ANO2: variants seen among roughly 807,000 people sequenced by gnomAD.
The protein encoded by ANO2 is anoctamin-2.
In ANO2, 101 loss-of-function variants were observed where a neutral mutation model predicts 124.2. The ratio of observed to expected loss-of-function variants is 0.81; its 90% CI spans 0.69 to 0.96. The LOEUF (loss-of-function observed/expected upper bound fraction) is 0.96, where lower values mean the gene tolerates loss of function less well. Among genes scored for constraint, ANO2 ranks in the 40% least tolerant of loss-of-function variants. ANO2 has a pLI of 0.00. For missense variants in ANO2, 1,293 were observed against 1,274.5 expected (o/e 1.01, Z -0.22); for synonymous variants, 486 against 482.5 (o/e 1.01, Z -0.09).
At chr12:5,887,440 TGGGG>T (rs1049043762) in intron 3 of ANO2, among the ~76,000 whole-genome samples, 3 of 152,166 alleles carry the variant, frequency 2.0e-5, no homozygotes, top group African/African-American at 7.2e-5. Context: ...ACTTCCACTG[TGGGG>T]GATGTTGCTC....
chr12:5,613,226 T>C (rs1317129267), intron 17 of ANO2, among the ~76,000 whole-genome samples: 4 of 152,092 alleles, frequency 2.6e-5, no homozygotes, highest in Non-Finnish European at 4.4e-5. Context: ...TGTGTGTGCG[T>C]GTATGTGTGT....
chr12:5,869,132 C>G (rs1394152272), intron 3 of ANO2, among the ~76,000 whole-genome samples: 1 of 152,088 alleles, frequency 6.6e-6, no homozygotes, highest in East Asian at 1.9e-4. Context: ...TGCAGGAAGT[C>G]CAAATGGAAA....
intron 16 of ANO2, among the ~76,000 whole-genome samples, chr12:5,628,322 C>A (rs1945518340): frequency 6.6e-6 from 1 of 152,172 alleles, no homozygotes; most frequent in Non-Finnish European, 1.5e-5. Context: ...AAATACTCGA[C>A]CTCTTGTCAT....
intron 17 of ANO2, among the ~76,000 whole-genome samples, chr12:5,613,710 C>T (rs912601480): frequency 6.6e-6 from 1 of 152,196 alleles, no homozygotes; most frequent in African/African-American, 2.4e-5. Flanking sequence ...GTTCCCCCAA[C>T]ACTTTATTTA....
chr12:5,828,092 A>G (rs1473993954), intron 6 of ANO2, among the ~76,000 whole-genome samples: 5 of 152,172 alleles, frequency 3.3e-5, no homozygotes, highest in Non-Finnish European at 7.4e-5. Flanking sequence ...CTAGAAATGG[A>G]CGGCAGTCAC....
At chr12:5,762,631 A>G (rs776211775) in intron 10 of ANO2, among the ~76,000 whole-genome samples, 1 of 151,904 alleles carries the variant, frequency 6.6e-6, no homozygotes, top group Non-Finnish European at 1.5e-5. Flanking sequence ...AAGGATATAG[A>G]TAAAACTTAA....
intron 19 of ANO2, 49 bp from the exon 20 acceptor site, chr12:5,599,678 T>G: frequency 6.3e-7 from 1 of 1,593,608 alleles, no homozygotes; most frequent in Non-Finnish European, 8.5e-7. Context: ...AGAACAGGGT[T>G]GGTTTTGCAG....
chr12:5,727,517 A>AC (rs1950485839), intron 14 of ANO2, among the ~76,000 whole-genome samples: 1 of 151,960 alleles, frequency 6.6e-6, no homozygotes, highest in Non-Finnish European at 1.5e-5. Context: ...CAAACCAAAA[A>AC]AAAAAAAAAG....
intron 20 of ANO2, among the ~76,000 whole-genome samples, chr12:5,598,800 T>G (rs1036089086): frequency 6.6e-6 from 1 of 152,348 alleles, no homozygotes; most frequent in Admixed American, 6.5e-5. Context: ...CTGGCCTAAG[T>G]TGGGACCCTT....
chr12:5,575,245 C>T (rs1942330881), intron 23 of ANO2, among the ~76,000 whole-genome samples: 1 of 152,224 alleles, frequency 6.6e-6, no homozygotes, highest in African/African-American at 2.4e-5. Context: ...ATTTTCTTCT[C>T]AACCAGACCA....
chr12:5,817,765 T>A (rs892680858), intron 7 of ANO2, among the ~76,000 whole-genome samples: 1 of 152,094 alleles, frequency 6.6e-6, no homozygotes. Context: ...GTGGTATCCA[T>A]CCAGCAACTG....
intron 14 of ANO2, among the ~76,000 whole-genome samples, chr12:5,680,703 A>G (rs968644845): frequency 1.3e-5 from 2 of 152,236 alleles, no homozygotes; most frequent in African/African-American, 4.8e-5. Flanking sequence ...ATGTAGAAAC[A>G]TTACTGAAAG....
At chr12:5,798,513 C>T (rs1331409456) in intron 10 of ANO2, among the ~76,000 whole-genome samples, 2 of 152,182 alleles carry the variant, frequency 1.3e-5, no homozygotes, top group African/African-American at 2.4e-5. Flanking sequence ...CAGCCCAGGG[C>T]AACCAGCCAG....
intron 14 of ANO2, among the ~76,000 whole-genome samples, chr12:5,708,080 G>T (rs889075761): frequency 1.3e-5 from 2 of 152,038 alleles, no homozygotes; most frequent in East Asian, 3.9e-4. Context: ...GTCTTCCCAC[G>T]CCTTAGTAAA....
chr12:5,691,203 T>G (rs553461741), intron 14 of ANO2, among the ~76,000 whole-genome samples: 27 of 151,612 alleles, frequency 1.8e-4, no homozygotes, highest in African/African-American at 6.3e-4. Flanking sequence ...TGGCACATGC[T>G]TGTAATCCCA....
intron 10 of ANO2, among the ~76,000 whole-genome samples, chr12:5,794,971 T>G (rs951362084): frequency 1.2e-4 from 19 of 152,206 alleles, no homozygotes; most frequent in Admixed American, 6.5e-5. Context: ...CCTGGCCTGC[T>G]GAGAAGCCTC....
At chr12:5,728,765 ATAGGG>A in intron 14 of ANO2, among the ~76,000 whole-genome samples, 1 of 152,310 alleles carries the variant, frequency 6.6e-6, no homozygotes, top group Admixed American at 6.5e-5. Context: ...AGCAGTCAAG[ATAGGG>A]TGGTACTACA....
Position 5,799,186 on chromosome 12 carries a change from G to A in ANO2, c.1055+321C>T, listed in dbSNP as rs571725682. On this transcript the variant is annotated intron_variant, in intron 10 of 24. Transcript: ENST00000682330. The stretch of plus-strand genomic sequence containing the variant: ...CAGCTTCATCCAGGTTCTTCTCTAG[G>A]ACAAGACTAAGGAAAAGAAATGAGA... Among the ~76,000 whole-genome samples, 18 of 152,310 alleles carry A rather than the reference G, an allele frequency of 1.2e-4. No individual in the cohort carries two copies. The South Asian group carries it at 3.7e-3, about 32-fold the overall frequency.
chr12:5,945,949 G>C (rs569640426), upstream of ANO2, among the ~76,000 whole-genome samples: 53 of 152,334 alleles, frequency 3.5e-4, no homozygotes, highest in Non-Finnish European at 5.9e-4. Flanking sequence ...CATCCCCAGA[G>C]GGGAAGAGGA....
Sources: allele counts gnomAD v4.1 joint callset (sites outside exome capture counted in the v4.1 genomes callset), GRCh38; gene constraint gnomAD v4.1.1; transcripts MANE v1.5; gene names NCBI Gene and HGNC (gene_info 2026-07-23, HGNC 2026-07-21).